Variants in GRM3 observed in about 807,000 individuals in gnomAD.
GRM3 encodes the protein metabotropic glutamate receptor 3.
Under a neutral mutation model 70.5 loss-of-function variants are expected in GRM3, and 26 were observed. The observed-to-expected ratio is 0.37, with a 90% confidence interval of 0.27 to 0.51. The LOEUF is 0.51. Ranked by LOEUF, GRM3 falls within the 20% of genes least tolerant of loss-of-function variation. The pLI is 0.93. For synonymous variants in GRM3, 443 were observed against 434.9 expected, an observed-to-expected ratio of 1.02 and a Z score of -0.23; for missense variants, 859 against 1,123.8, an observed-to-expected ratio of 0.76 and a Z score of 3.37.
chr7:86,839,164 G>T lies in GRM3; in HGVS notation c.1650G>T (p.Gly550=). 6.2e-7 allele frequency: 1 copy of T among 1,614,040 alleles called. No homozygotes were observed. Among genetic ancestry groups the T allele is most frequent in the Non-Finnish European group, 8.5e-7 (1 of 1,179,896 alleles). Residue 550 remains glycine, a synonymous_variant, in exon 4 of 6, where the codon GGG becomes GGT. Coordinates refer to ENST00000361669, the MANE Select transcript of GRM3 (RefSeq NM_000840.3). The surrounding 1 kb of genome is among the most constrained non-coding windows in gnomAD (Gnocchi z 4.5). ...ATGAGTTTACCTGTATGGATTGTGG[G>T]TCTGGACAGTGGCCCACTGCAGACC... The part of the protein sequence containing the change: ...LADEFTCMDC[G]SGQWPTADLT...
chr7:86,700,228 T>C (rs541501934), intron 1 of GRM3, among the ~76,000 whole-genome samples: 89 of 152,000 alleles, frequency 5.9e-4, no homozygotes, highest in Non-Finnish European at 1.0e-3. Flanking sequence ...GCCAACTACT[T>C]ATTTTAGATG....
At chr7:86,730,998 G>A (rs1363933592) in intron 1 of GRM3, among the ~76,000 whole-genome samples, 3 of 151,996 alleles carry the variant, frequency 2.0e-5, no homozygotes. Flanking sequence ...TTTTCTGTAT[G>A]TCCCCCTCAA....
chr7:86,654,869 A>AT (rs554439283), intron 1 of GRM3, among the ~76,000 whole-genome samples: 4 of 152,094 alleles, frequency 2.6e-5, no homozygotes, highest in African/African-American at 7.2e-5. Flanking sequence ...TAATGTAGAA[A>AT]TTTTTTTTAT....
chr7:86,717,736 A>G (rs1795354274), intron 1 of GRM3, among the ~76,000 whole-genome samples: 1 of 151,984 alleles, frequency 6.6e-6, no homozygotes, highest in African/African-American at 2.4e-5. Flanking sequence ...GGGTTTGTCA[A>G]GGTTTACTAA....
intron 1 of GRM3, among the ~76,000 whole-genome samples, chr7:86,651,672 A>G (rs534086077): frequency 1.3e-5 from 2 of 152,318 alleles, no homozygotes; most frequent in South Asian, 2.1e-4. Flanking sequence ...TGACCAGTCC[A>G]TACTATATTG....
At chr7:86,715,574 T>G (rs1240415746) in intron 1 of GRM3, among the ~76,000 whole-genome samples, 1 of 151,976 alleles carries the variant, frequency 6.6e-6, no homozygotes, top group Non-Finnish European at 1.5e-5. Context: ...AGGTCATATA[T>G]CCTCAGAACC....
intron 1 of GRM3, among the ~76,000 whole-genome samples, chr7:86,739,511 G>C (rs147201154): frequency 0.01 from 1,552 of 152,234 alleles, 18 homozygotes; most frequent in Non-Finnish European, 0.012. Flanking sequence ...TACGTAGAAC[G>C]GCCTTACCTC....
intron 1 of GRM3, among the ~76,000 whole-genome samples, chr7:86,761,315 T>G (rs938843444): frequency 2.6e-5 from 4 of 152,108 alleles, no homozygotes; most frequent in African/African-American, 4.8e-5. Context: ...AAGCAGTAAA[T>G]GTAGGTCAGT....
chr7:86,833,118 G>C, intron 3 of GRM3: 4 of 981,544 alleles, frequency 4.1e-6, no homozygotes, highest in Non-Finnish European at 4.8e-6. Context: ...GACTTAACTT[G>C]AGAAACAGCA....
chr7:86,668,322 GTCT>G (rs1157556344), intron 1 of GRM3, among the ~76,000 whole-genome samples: 2,968 of 151,836 alleles, frequency 0.02, 95 homozygotes, highest in African/African-American at 0.068. Context: ...AGGTAATCAA[GTCT>G]ATATTCACAT....
At chr7:86,809,367 G>A (rs1408403478) in intron 3 of GRM3, among the ~76,000 whole-genome samples, 1 of 152,044 alleles carries the variant, frequency 6.6e-6, no homozygotes, top group Non-Finnish European at 1.5e-5. Flanking sequence ...TGTGGATCAT[G>A]TTTTAAAAAT....
intron 3 of GRM3, among the ~76,000 whole-genome samples, chr7:86,793,162 A>G (rs1379700276): frequency 6.6e-6 from 1 of 151,940 alleles, no homozygotes; most frequent in East Asian, 1.9e-4. Flanking sequence ...GAAAATGGGT[A>G]GTCCAGCCTT....
At chr7:86,789,176 G>T (rs942276776) in intron 3 of GRM3, among the ~76,000 whole-genome samples, 1 of 152,158 alleles carries the variant, frequency 6.6e-6, no homozygotes, top group Non-Finnish European at 1.5e-5. Flanking sequence ...GACATTACCA[G>T]TCATTCTCCA....
At chr7:86,723,692 T>C (rs1186002725) in intron 1 of GRM3, among the ~76,000 whole-genome samples, 3 of 152,154 alleles carry the variant, frequency 2.0e-5, no homozygotes, top group Non-Finnish European at 4.4e-5. Flanking sequence ...TGGTGTTGCC[T>C]GGGACACTTA....
At chr7:86,738,071 T>A (rs1360888367) in intron 1 of GRM3, among the ~76,000 whole-genome samples, 1 of 152,186 alleles carries the variant, frequency 6.6e-6, no homozygotes, top group East Asian at 1.9e-4. Flanking sequence ...TTACTGGCCC[T>A]GGTTGAATGA....
At chr7:86,778,636 A>G (rs751489110) in intron 2 of GRM3, among the ~76,000 whole-genome samples, 23 of 152,152 alleles carry the variant, frequency 1.5e-4, no homozygotes, top group Non-Finnish European at 3.1e-4. Context: ...ACTGCCTGAG[A>G]TCTTTCTCAT....
Position 86,765,248 on chromosome 7 carries a change from A to G in GRM3, c.103A>G (p.Ile35Val). Residue 35 changes from isoleucine (I) to valine (V), a missense_variant, in exon 2 of 6, where the codon ATA becomes GTA. By Grantham distance (29) the Ile-to-Val change is conservative. Coordinates refer to ENST00000361669, the MANE Select transcript of GRM3 (RefSeq NM_000840.3). ...TAACTTTCTAAGGAGAGAGATTAAA[A>G]TAGAAGGTGACCTTGTTTTAGGGGG... ...DHNFLRREIK[I>V]EGDLVLGGLF... 6.2e-7 allele frequency: 1 copy of G among 1,613,872 alleles called. No individual in the cohort carries two copies. Among genetic ancestry groups the G allele is most frequent in the Non-Finnish European group, 8.5e-7 (1 of 1,179,842 alleles).
chr7:86,804,567 G>A (rs1366098028), intron 3 of GRM3, among the ~76,000 whole-genome samples: 2 of 151,992 alleles, frequency 1.3e-5, no homozygotes, highest in Non-Finnish European at 2.9e-5. Context: ...CCATCACCAC[G>A]TCCAGCTAAC....
chr7:86,740,078 G>A (rs1261245711), intron 1 of GRM3, among the ~76,000 whole-genome samples: 1 of 151,950 alleles, frequency 6.6e-6, no homozygotes, highest in East Asian at 1.9e-4. Context: ...AATGCCCAAA[G>A]CAATAATTGA....
Sources: gnomAD v4.1 joint callset for allele counts (sites outside exome capture counted in the v4.1 genomes callset) on GRCh38, gnomAD v4.1.1 for gene constraint, Gnocchi (gnomAD v3.1) non-coding constraint, MANE v1.5 for transcripts, NCBI Gene and HGNC (gene_info 2026-07-23, HGNC 2026-07-21) for gene names.